The following PLCG2 variants were observed in gnomAD, a reference collection of about 807,000 sequenced individuals.
PLCG2 encodes the protein phospholipase C gamma 2, also known as 1-phosphatidylinositol 4,5-bisphosphate phosphodiesterase gamma-2.
A neutral mutation model predicts 175.6 loss-of-function variants in PLCG2; 69 were observed. That is an observed-to-expected ratio of 0.39 (90% CI 0.32 to 0.48). The LOEUF is 0.48. Among genes scored for constraint, PLCG2 ranks in the 20% least tolerant of loss-of-function variants. The probability of loss-of-function intolerance (pLI) is 0.91; values close to 1 mark genes in which losing one functional copy is unlikely to be tolerated. For missense variants in PLCG2, 1,798 were observed against 1,650.9 expected (o/e 1.09, Z -1.54); for synonymous variants, 827 against 624.0 (o/e 1.33, Z -4.85).
At chr16:81,847,932 C>T (rs979203869) in intron 2 of PLCG2, among the ~76,000 whole-genome samples, 8 of 152,116 alleles carry the variant, frequency 5.3e-5, no homozygotes, top group Non-Finnish European at 1.0e-4. Context: ...TGAGGGATGA[C>T]TGTATATCTT....
chr16:81,945,898 G>A (rs1445033170), intron 30 of PLCG2, among the ~76,000 whole-genome samples: 3 of 152,208 alleles, frequency 2.0e-5, no homozygotes, highest in South Asian at 2.1e-4. Flanking sequence ...GGAATGTTCT[G>A]TGGGTTTTAA....
intron 14 of PLCG2, among the ~76,000 whole-genome samples, chr16:81,905,036 T>A (rs1184829775): frequency 2.0e-5 from 3 of 152,184 alleles, no homozygotes; most frequent in African/African-American, 7.2e-5. Context: ...TACAGGCGCG[T>A]GCCACCATGC....
intron 27 of PLCG2, among the ~76,000 whole-genome samples, chr16:81,936,900 C>T (rs1910738444): frequency 6.6e-6 from 1 of 152,182 alleles, no homozygotes; most frequent in Admixed American, 6.5e-5. Context: ...ACATCGGATT[C>T]CACAGAATGG....
chr16:81,753,171 C>G (rs1026379264), intron 1 of PLCG2, among the ~76,000 whole-genome samples: 12 of 152,068 alleles, frequency 7.9e-5, no homozygotes, highest in African/African-American at 2.7e-4. Flanking sequence ...CTGCCTCTCC[C>G]CGCCACCTCA....
intron 2 of PLCG2, among the ~76,000 whole-genome samples, chr16:81,836,045 A>G (rs867491534): frequency 3.3e-5 from 5 of 152,190 alleles, no homozygotes; most frequent in East Asian, 1.9e-4. Flanking sequence ...CTGGACTTCT[A>G]TGTATGTTTT....
chr16:81,830,235 A>G (rs1007434140), intron 2 of PLCG2, among the ~76,000 whole-genome samples: 2 of 152,028 alleles, frequency 1.3e-5, no homozygotes, highest in African/African-American at 4.8e-5. Flanking sequence ...TGGGAAGATC[A>G]CCTAAGCCCA....
intron 5 of PLCG2, among the ~76,000 whole-genome samples, chr16:81,859,522 G>A (rs74451556): frequency 0.01 from 1,554 of 151,920 alleles, 13 homozygotes; most frequent in Non-Finnish European, 0.016. Flanking sequence ...TGACCGTGAA[G>A]AAGTAAACCA....
At chr16:81,786,303 G>T (rs139488059) in intron 2 of PLCG2, 121 bp downstream of exon 2, 25 of 810,384 alleles carry the variant, frequency 3.1e-5, no homozygotes, top group Non-Finnish European at 4.6e-5. Flanking sequence ...TCTTTTATTC[G>T]TCTTAAAATG....
intron 2 of PLCG2, among the ~76,000 whole-genome samples, chr16:81,808,397 G>C (rs1904291710): frequency 6.6e-6 from 1 of 152,208 alleles, no homozygotes; most frequent in Admixed American, 6.5e-5. Context: ...AGGGTCCTGA[G>C]AGACTGTACT....
At chr16:81,904,240 C>T (rs1909269264) in intron 14 of PLCG2, among the ~76,000 whole-genome samples, 1 of 152,160 alleles carries the variant, frequency 6.6e-6, no homozygotes, top group Non-Finnish European at 1.5e-5. Flanking sequence ...TTACGGGATC[C>T]CACAGGGGCT....
intron 12 of PLCG2, among the ~76,000 whole-genome samples, chr16:81,894,371 G>C (rs1266833309): frequency 3.9e-5 from 6 of 152,234 alleles, no homozygotes; most frequent in Non-Finnish European, 8.8e-5. Flanking sequence ...TGAGGCTGTG[G>C]TGAGCTGTGA....
chr16:81,781,295 C>G (rs773872744), intron 1 of PLCG2, among the ~76,000 whole-genome samples: 1 of 152,160 alleles, frequency 6.6e-6, no homozygotes, highest in Non-Finnish European at 1.5e-5. Context: ...CAAATCTTTC[C>G]AGATCAAATT....
chr16:81,916,887 C>T (rs921206705), intron 19 of PLCG2, among the ~76,000 whole-genome samples: 1 of 152,162 alleles, frequency 6.6e-6, no homozygotes, highest in Non-Finnish European at 1.5e-5. Flanking sequence ...ATCCACCCTC[C>T]TTGGCCTCCC....
chr16:81,942,797 C>T (rs1232619498), intron 30 of PLCG2, among the ~76,000 whole-genome samples: 1 of 152,198 alleles, frequency 6.6e-6, no homozygotes, highest in African/African-American at 2.4e-5. Context: ...CCGTGTTCCT[C>T]CTCTGCAGGC....
chr16:81,931,666 C>T lies in PLCG2; in HGVS notation c.2739+12C>T. The T allele has an allele frequency of 6.2e-7, 1 of 1,610,266 alleles. No individual in the cohort carries two copies. Among genetic ancestry groups the T allele is most frequent in the Non-Finnish European group, 8.5e-7 (1 of 1,176,786 alleles). ...AGATTGACACCAAGGTAGGCACCTG[C>T]TCACCCGGGTGCAGGTGGGCCTGGC... On this transcript the variant is annotated intron_variant, in intron 25 of 32. Coordinates refer to ENST00000564138, the MANE Select transcript of PLCG2 (RefSeq NM_002661.5).
intron 15 of PLCG2, among the ~76,000 whole-genome samples, chr16:81,907,053 A>T (rs1212008293): frequency 6.6e-6 from 1 of 151,798 alleles, no homozygotes; most frequent in East Asian, 1.9e-4. Flanking sequence ...AAAAAAAAAA[A>T]AACAGTGCAG....
intron 30 of PLCG2, 60 bp from the exon 31 acceptor site, chr16:81,946,115 A>G (rs969439635): frequency 1.5e-5 from 21 of 1,366,852 alleles, no homozygotes; most frequent in Non-Finnish European, 2.1e-5. Context: ...GCCTCCAAAA[A>G]AAATCTAAGG....
chr16:81,789,716 G>A (rs1911141470), intron 2 of PLCG2, among the ~76,000 whole-genome samples: 1 of 152,024 alleles, frequency 6.6e-6, no homozygotes, highest in African/African-American at 2.4e-5. Flanking sequence ...CCCCCGGATG[G>A]TCTGGTAACT....
chr16:81,844,869 G>A (rs1399249348), intron 2 of PLCG2, among the ~76,000 whole-genome samples: 1 of 152,178 alleles, frequency 6.6e-6, no homozygotes, highest in African/African-American at 2.4e-5. Context: ...AGGAGTTTTT[G>A]TCATGTCGGT....
Sources: gnomAD v4.1 joint callset for allele counts (sites outside exome capture counted in the v4.1 genomes callset) on GRCh38, gnomAD v4.1.1 for gene constraint, MANE v1.5 for transcripts, NCBI Gene and HGNC (gene_info 2026-07-23, HGNC 2026-07-21) for gene names.